The following PCDHGA1 variants were observed in gnomAD, a reference collection of about 807,000 sequenced individuals.
The protein encoded by PCDHGA1 is protocadherin gamma-A1.
Under a neutral mutation model 58.0 loss-of-function variants are expected in PCDHGA1, and 32 were observed. The observed-to-expected ratio is 0.55, with a 90% CI of 0.42 to 0.74. The LOEUF is 0.74. Ranked by LOEUF, PCDHGA1 falls within the 30% of genes least tolerant of loss-of-function variation. The pLI, the probability that PCDHGA1 is intolerant of heterozygous loss-of-function variation, is 0.00. For synonymous variants in PCDHGA1, 498 were observed against 501.1 expected, an observed-to-expected ratio of 0.99 and a Z score of 0.08; for missense variants, 1,205 against 1,182.3, an observed-to-expected ratio of 1.02 and a Z score of -0.28.
Position 141,331,383 on chromosome 5 carries a change from G to T in PCDHGA1, c.699G>T (p.Val233=). 6.2e-7 allele frequency: 1 copy of T among 1,614,142 alleles called. No homozygotes were observed. Among genetic ancestry groups the T allele is most frequent in the Non-Finnish European group, 8.5e-7 (1 of 1,180,034 alleles). Residue 233 remains valine (V), a synonymous_variant, in exon 1 of 4, where the codon GTG becomes GTT. Coordinates refer to ENST00000517417, the MANE Select transcript of PCDHGA1 (RefSeq NM_018912.3). ...CCCTCAGAATTTACATTCAGGTGGT[G>T]GATGCAAATGACAATCCTCCAGCAT... ...SGTLRIYIQV[V]DANDNPPAFT...
chr5:141,369,524 C>T (rs1232865331), intron 1 of PCDHGA1, among the ~76,000 whole-genome samples: 1 of 152,138 alleles, frequency 6.6e-6, no homozygotes, highest in Non-Finnish European at 1.5e-5. Context: ...AGTTTTCAAT[C>T]ATACTTATTT....
chr5:141,389,194 C>A (rs760691972), intron 1 of PCDHGA1: 15 of 1,613,922 alleles, frequency 9.3e-6, no homozygotes, highest in Non-Finnish European at 1.0e-5. Context: ...TCCAGCATCA[C>A]CCTGCACATT....
At chr5:141,382,300 A>C (rs1428266380) in intron 1 of PCDHGA1, among the ~76,000 whole-genome samples, 1 of 152,240 alleles carries the variant, frequency 6.6e-6, no homozygotes, top group Non-Finnish European at 1.5e-5. Flanking sequence ...AATTAATTAA[A>C]ATTTATATAC....
chr5:141,388,920 A>T, intron 1 of PCDHGA1: 3 of 1,613,996 alleles, frequency 1.9e-6, no homozygotes, highest in East Asian at 2.2e-5. Flanking sequence ...CCCAGAAGTG[A>T]TATTCCAGTC....
chr5:141,393,861 A>G (rs1324870023), intron 1 of PCDHGA1: 11 of 1,613,904 alleles, frequency 6.8e-6, no homozygotes, highest in Non-Finnish European at 9.3e-6. Context: ...AGTGATCATT[A>G]CGTCTTTGTT....
At chr5:141,404,580 G>C (rs769739876) in intron 1 of PCDHGA1, 2 of 1,613,866 alleles carry the variant, frequency 1.2e-6, no homozygotes, top group Non-Finnish European at 1.7e-6. Context: ...CCACCACTTA[G>C]CAGCAATGTG....
chr5:141,389,669 C>T (rs747451761), intron 1 of PCDHGA1: 14 of 1,612,326 alleles, frequency 8.7e-6, no homozygotes, highest in Non-Finnish European at 9.3e-6. Flanking sequence ...TGGACGCAGA[C>T]TCAGGACACA....
chr5:141,459,404 G>C (rs2098967432), intron 1 of PCDHGA1, among the ~76,000 whole-genome samples: 1 of 152,182 alleles, frequency 6.6e-6, no homozygotes, highest in Non-Finnish European at 1.5e-5. Flanking sequence ...GAGCAGTATT[G>C]CATTGTGTGG....
chr5:141,333,340 G>A, intron 1 of PCDHGA1: 1 of 664,070 alleles, frequency 1.5e-6, no homozygotes, highest in Non-Finnish European at 2.5e-6. Context: ...TGGGTTGAAG[G>A]TATGTGTGAG....
intron 1 of PCDHGA1, chr5:141,379,407 A>G (rs750448486): frequency 1.2e-4 from 18 of 152,228 alleles, no homozygotes; most frequent in Admixed American, 2.6e-4. Flanking sequence ...AATCTTGGAT[A>G]TTAGTCTCAT....
rs1014896576 is a variant in PCDHGA1, at chr5:141,512,427, C to T, written c.*1254C>T. 6.5e-6 allele frequency: 1 copy of T among 152,788 alleles called. No individual in the cohort carries two copies. Among genetic ancestry groups the T allele is most frequent in the African/African-American group, 2.4e-5 (1 of 41,460 alleles). The allele number at this position is 152,788 out of a possible 1,614,324, so 9.5% of individuals were successfully genotyped here. A position where few individuals can be genotyped will look rare whatever the true frequency, so the allele number is the denominator to read the frequency against. On this transcript the variant is annotated 3_prime_UTR_variant, in exon 4 of 4. Transcript: ENST00000517417. ...GGGCTTCTTCAACAGGGCCCCTGCC[C>T]TCCTGAAGCCTCAGTCCTTCACCTT...
intron 1 of PCDHGA1, chr5:141,341,206 G>A (rs533250208): frequency 6.2e-6 from 10 of 1,614,216 alleles, no homozygotes; most frequent in Non-Finnish European, 8.5e-6. Flanking sequence ...GCGTGGACGG[G>A]GTTCGGGCTT....
chr5:141,487,348 C>T lies in PCDHGA1; in HGVS notation c.2422-7459C>T, dbSNP rs929693998. ...GTGGGGCAGCCTGTGGAGTCACATG[C>T]TTTCCTGCTGGCACCTGTGCCTGTC... On this transcript the variant is annotated intron_variant, in intron 1 of 3. Coordinates refer to ENST00000517417, the MANE Select transcript of PCDHGA1 (RefSeq NM_018912.3). The surrounding 1 kb of genome is among the most constrained non-coding windows in gnomAD (Gnocchi z 5.0). The T allele has an allele frequency of 2.5e-6, 4 of 1,614,080 alleles. No homozygotes were observed. The highest frequency in any genetic ancestry group is 2.2e-5 in the East Asian group (1 of 44,882).
At chr5:141,374,058 C>G in intron 1 of PCDHGA1, 1 of 1,487,942 alleles carries the variant, frequency 6.7e-7, no homozygotes, top group Non-Finnish European at 8.9e-7. Flanking sequence ...CTTCTTAATC[C>G]CAGAGAAGTT....
Position 141,512,106 on chromosome 5 carries a change from T to A in PCDHGA1, c.*933T>A, listed in dbSNP as rs2099884076. 6.6e-6 allele frequency: 1 copy of A among 152,630 alleles called. No homozygotes were observed. Among genetic ancestry groups the A allele is most frequent in the Non-Finnish European group, 1.5e-5 (1 of 68,060 alleles). 9.5% of individuals were successfully genotyped at this position (152,630 alleles called of 1,614,324 possible). On this transcript the variant is annotated 3_prime_UTR_variant, in exon 4 of 4. Transcript: ENST00000517417. ...TAAACCAATAACTAGGCTGGACCCT[T>A]CCCACTACATAATAGGGCTCAGCCC...
intron 1 of PCDHGA1, chr5:141,374,688 G>A (rs750510871): frequency 3.1e-6 from 5 of 1,609,528 alleles, no homozygotes; most frequent in East Asian, 2.2e-5. Context: ...ACACTGGACC[G>A]GGAAGGAGAA....
intron 1 of PCDHGA1, chr5:141,410,555 C>T (rs768561351): frequency 1.9e-6 from 3 of 1,613,084 alleles, no homozygotes; most frequent in Middle Eastern, 1.6e-4. Context: ...CAGTGTTTCT[C>T]CTGGAGCCTT....
intron 1 of PCDHGA1, chr5:141,423,627 C>T (rs925883716): frequency 6.2e-7 from 1 of 1,604,886 alleles, no homozygotes; most frequent in African/African-American, 1.3e-5. Context: ...ACTCAGCTAT[C>T]ATTTTAGGCA....
Position 141,418,146 on chromosome 5 carries a change from G to A in PCDHGA1, c.2422-76661G>A, listed in dbSNP as rs755513829. The A allele has an allele frequency of 1.1e-5, 18 of 1,613,970 alleles. No homozygotes were observed. In the South Asian group the frequency reaches 1.6e-4, roughly 15 times the overall value. ...GACCGAATAGACCGTGAGCAAATAT[G>A]CAAAGAGAGAAGAAGATGTGAGTTG... is the stretch of plus-strand genomic sequence containing the variant. On this transcript the variant is annotated intron_variant, in intron 1 of 3. Transcript: ENST00000517417.
Sources: gnomAD v4.1 joint callset for allele counts (sites outside exome capture counted in the v4.1 genomes callset) on GRCh38, gnomAD v4.1.1 for gene constraint, Gnocchi (gnomAD v3.1) non-coding constraint, MANE v1.5 for transcripts, NCBI Gene and HGNC (gene_info 2026-07-23, HGNC 2026-07-21) for gene names.